The following TCEA1 variants were observed in gnomAD, a reference collection of about 807,000 sequenced individuals.
TCEA1 encodes transcription elongation factor A protein 1.
Under a neutral mutation model 43.8 loss-of-function variants are expected in TCEA1, and 21 were observed. That is an observed-to-expected ratio of 0.48 (90% CI 0.34 to 0.69). The LOEUF is 0.69. TCEA1 is among the 30% of genes least tolerant of loss of function. The probability of loss-of-function intolerance (pLI) is 0.01; values close to 1 mark genes in which losing one functional copy is unlikely to be tolerated. For synonymous variants in TCEA1, 104 were observed against 117.5 expected (o/e 0.88, Z 0.75); for missense variants, 250 against 365.1 (o/e 0.68, Z 2.57).
At chr8:53,973,696 A>G (rs1217038832) in intron 8 of TCEA1, 5 of 560,374 alleles carry the variant, frequency 8.9e-6, no homozygotes, top group Non-Finnish European at 1.7e-5. Flanking sequence ...AAAAAAAAGA[A>G]ATTATTAGAG....
intron 4 of TCEA1, among the ~76,000 whole-genome samples, chr8:53,992,028 C>T (rs577691088): frequency 3.3e-5 from 5 of 152,132 alleles, no homozygotes; most frequent in Non-Finnish European, 4.4e-5. Flanking sequence ...TACCTCAACA[C>T]GGGCTGGGTG....
intron 2 of TCEA1, among the ~76,000 whole-genome samples, chr8:54,009,137 C>A (rs1804570496): frequency 1.3e-5 from 2 of 151,442 alleles, no homozygotes; most frequent in South Asian, 4.2e-4. Flanking sequence ...GGCATGAGCG[C>A]CTGGCCCGGA....
At chr8:53,988,331 C>G in intron 4 of TCEA1, 72 bp from the exon 5 acceptor site, 1 of 1,519,152 alleles carries the variant, frequency 6.6e-7, no homozygotes, top group Non-Finnish European at 8.8e-7. Context: ...TACTATCATG[C>G]TGTAAAAACA....
At chr8:54,000,153 G>A in intron 2 of TCEA1, 103 bp from the exon 3 acceptor site, 1 of 776,196 alleles carries the variant, frequency 1.3e-6, no homozygotes, top group Non-Finnish European at 2.0e-6. Context: ...TTCTATTTTA[G>A]AATTTCAAAA....
In TCEA1 at chr8:53,979,018, C is replaced by G; in HGVS notation, c.825+7G>C. ...ATAAAAATAAGAATCTATAAACAATCACAAACCTGTGTGTAAGTGCAATTC... is the reference window on the plus strand; with the variant it reads ...ATAAAAATAAGAATCTATAAACAATGACAAACCTGTGTGTAAGTGCAATTC... On this transcript the variant is annotated splice_region_variant and intron_variant, in intron 8 of 9. Coordinates refer to ENST00000521604, the MANE Select transcript of TCEA1 (RefSeq NM_006756.4). 1 of 1,605,268 alleles carries G rather than the reference C, an allele frequency of 6.2e-7. No homozygotes were observed. Among genetic ancestry groups the G allele is most frequent in the Non-Finnish European group, 8.5e-7 (1 of 1,174,642 alleles).
intron 1 of TCEA1, chr8:54,021,860 G>A: frequency 4.8e-6 from 2 of 416,218 alleles, no homozygotes; most frequent in East Asian, 4.0e-5. Flanking sequence ...GGAAATACAA[G>A]AGCGAGCGGG....
At chr8:54,002,906 G>C (rs895854046) in intron 2 of TCEA1, 26 of 456,180 alleles carry the variant, frequency 5.7e-5, no homozygotes, top group Non-Finnish European at 1.0e-4. Flanking sequence ...GAAAGGTGGA[G>C]AGTGCATTAA....
intron 9 of TCEA1, 134 bp downstream of exon 9, chr8:53,970,258 C>T (rs767956521): frequency 2.3e-5 from 17 of 743,370 alleles, no homozygotes; most frequent in African/African-American, 1.9e-4. Flanking sequence ...TACAAGTAGT[C>T]AGGGAGTACA....
chr8:53,977,056 A>C (rs1362338093), intron 8 of TCEA1, among the ~76,000 whole-genome samples: 1 of 152,262 alleles, frequency 6.6e-6, no homozygotes, highest in Non-Finnish European at 1.5e-5. Context: ...GTGGTGGCTC[A>C]CGCCTGTAAT....
rs1401235405 is a variant in TCEA1 at position 54,004,940 on chromosome 8, T to C, written c.127-4890A>G. Among the ~76,000 whole-genome samples, 7 of 152,268 alleles carry C rather than the reference T, an allele frequency of 4.6e-5. No individual in the cohort carries two copies. In the South Asian group the frequency reaches 1.0e-3, roughly 23 times the overall value. ...TGATTGAATAAATTAATCTACTATATATAAAAACTTACAAAACTAGCCGAA... is the reference window on the plus strand; with the variant it reads ...TGATTGAATAAATTAATCTACTATACATAAAAACTTACAAAACTAGCCGAA... On this transcript the variant is annotated intron_variant, in intron 2 of 9. Transcript: ENST00000521604.
At chr8:54,009,157 T>C (rs1262524120) in intron 2 of TCEA1, among the ~76,000 whole-genome samples, 7 of 150,552 alleles carry the variant, frequency 4.6e-5, no homozygotes, top group African/African-American at 7.3e-5. Flanking sequence ...ATGGCTACTA[T>C]TAAAAAGACA....
Position 53,979,121 on chromosome 8 carries a change from T to A in TCEA1, c.729A>T (p.Glu243Asp). The change falls in exon 8 of 10, where the codon GAA becomes GAT. Residue 243 changes from glutamate to aspartate, a missense_variant. Transcript: ENST00000521604. ...LKEMRKNLTK[E>D]AIREHQMAKT... ...TGGCCATCTGATGCTCTCTGATGGC[T>A]TCTTTGGTCAAGTTTTTCCGCATCT... is the stretch of plus-strand genomic sequence containing the variant. The A allele has an allele frequency of 6.2e-7, 1 of 1,613,894 alleles. No homozygotes were observed. Among genetic ancestry groups the A allele is most frequent in the Middle Eastern group, 1.6e-4 (1 of 6,062 alleles).
intron 7 of TCEA1, among the ~76,000 whole-genome samples, chr8:53,982,477 G>A (rs756699284): frequency 4.0e-5 from 6 of 151,790 alleles, no homozygotes; most frequent in Admixed American, 6.6e-5. Flanking sequence ...GCTTGGTGGC[G>A]GGCGCCTGTA....
chr8:53,981,805 C>T (rs936580938), intron 7 of TCEA1, among the ~76,000 whole-genome samples: 5 of 151,078 alleles, frequency 3.3e-5, no homozygotes, highest in South Asian at 4.2e-4. Flanking sequence ...CACGCTGGAG[C>T]GCAGTGGTGC....
chr8:54,015,532 A>C (rs1563519781), intron 1 of TCEA1, among the ~76,000 whole-genome samples: 1 of 152,184 alleles, frequency 6.6e-6, no homozygotes, highest in Non-Finnish European at 1.5e-5. Context: ...ACATCACTAT[A>C]AAGCTAGGAC....
chr8:53,968,756 G>A (rs575422240), intron 9 of TCEA1, among the ~76,000 whole-genome samples: 3 of 152,022 alleles, frequency 2.0e-5, no homozygotes, highest in Middle Eastern at 6.8e-3. Context: ...TTGAACCCGG[G>A]GCCACAGAAC....
At chr8:54,009,807 A>C (rs1804592770) in intron 2 of TCEA1, 1 of 152,266 alleles carries the variant, frequency 6.6e-6, no homozygotes, top group Non-Finnish European at 1.5e-5. Flanking sequence ...CAAAATAGCG[A>C]GAAGAGAGGG....
At chr8:53,999,178 T>C (rs975605162) in intron 3 of TCEA1, among the ~76,000 whole-genome samples, 5 of 141,350 alleles carry the variant, frequency 3.5e-5, no homozygotes, top group East Asian at 2.1e-4. Flanking sequence ...TGAGCCGAGA[T>C]TGCACCACTG....
chr8:53,999,324 TA>T (rs1804175956), intron 3 of TCEA1, among the ~76,000 whole-genome samples: 1 of 151,702 alleles, frequency 6.6e-6, no homozygotes, highest in African/African-American at 2.4e-5. Context: ...AAAAAAACAT[TA>T]TTGGGACAAC....
Sources: allele counts gnomAD v4.1 joint callset (sites outside exome capture counted in the v4.1 genomes callset), GRCh38; gene constraint gnomAD v4.1.1; transcripts MANE v1.5; gene names NCBI Gene and HGNC (gene_info 2026-07-23, HGNC 2026-07-21).